Variants in NALF1 observed in about 807,000 individuals in gnomAD.
NALF1 encodes NALCN channel auxiliary factor 1.
Under a neutral mutation model 48.4 loss-of-function variants are expected in NALF1, and 3 were observed. The observed-to-expected ratio is 0.06, with a 90% CI of 0.03 to 0.16. The LOEUF (loss-of-function observed/expected upper bound fraction) is 0.16. NALF1 is among the 10% of genes least tolerant of loss of function. The probability of loss-of-function intolerance (pLI) is 1.00; values close to 1 mark genes in which losing one functional copy is unlikely to be tolerated. For synonymous variants in NALF1, 262 were observed against 245.7 expected (o/e 1.07, Z -0.62); for missense variants, 526 against 571.5 (o/e 0.92, Z 0.81).
chr13:107,518,836 G>A (rs1023476891), intron 1 of NALF1, among the ~76,000 whole-genome samples: 1 of 152,156 alleles, frequency 6.6e-6, no homozygotes, highest in Admixed American at 6.5e-5. Flanking sequence ...TTGGAAAAGT[G>A]AATTTGAAGT....
At chr13:107,747,147 CA>C (rs1283020996) in intron 1 of NALF1, among the ~76,000 whole-genome samples, 6 of 152,310 alleles carry the variant, frequency 3.9e-5, no homozygotes, top group African/African-American at 1.4e-4. Context: ...CATTCTTGGG[CA>C]ATTTTAATTT....
At chr13:107,712,272 T>C (rs2138520255) in intron 1 of NALF1, among the ~76,000 whole-genome samples, 1 of 152,290 alleles carries the variant, frequency 6.6e-6, no homozygotes, top group African/African-American at 2.4e-5. Flanking sequence ...ATATTCTTCC[T>C]TTTTCTGCTC....
chr13:107,715,213 T>C (rs117450781), intron 1 of NALF1, among the ~76,000 whole-genome samples: 1 of 152,030 alleles, frequency 6.6e-6, no homozygotes, highest in Non-Finnish European at 1.5e-5. Context: ...TCTTTCTTTT[T>C]TTTTTTGAAA....
chr13:107,380,700 C>T (rs1238842732), intron 1 of NALF1, among the ~76,000 whole-genome samples: 4 of 151,962 alleles, frequency 2.6e-5, no homozygotes, highest in Non-Finnish European at 5.9e-5. Context: ...TTTAGTGGGC[C>T]GGGAGCGGTG....
At chr13:107,332,579 T>G (rs956107821) in intron 1 of NALF1, among the ~76,000 whole-genome samples, 1 of 152,210 alleles carries the variant, frequency 6.6e-6, no homozygotes, top group Non-Finnish European at 1.5e-5. Flanking sequence ...CTGCTCAAAC[T>G]GAATTCCAAT....
At chr13:107,548,275 A>C (rs1290973929) in intron 1 of NALF1, among the ~76,000 whole-genome samples, 1 of 152,078 alleles carries the variant, frequency 6.6e-6, no homozygotes, top group Admixed American at 6.6e-5. Context: ...CTCCAGCTCT[A>C]TCCATGCTCC....
chr13:107,835,637 C>T (rs936436087), intron 1 of NALF1, among the ~76,000 whole-genome samples: 7 of 150,710 alleles, frequency 4.6e-5, no homozygotes, highest in African/African-American at 1.5e-4. Flanking sequence ...ACACACACAC[C>T]GGTGACTCAG....
intron 1 of NALF1, among the ~76,000 whole-genome samples, chr13:107,391,383 G>A (rs1483005565): frequency 6.6e-6 from 1 of 151,986 alleles, no homozygotes; most frequent in Non-Finnish European, 1.5e-5. Context: ...ATAATGTTAC[G>A]AGAAAAGGAA....
chr13:107,570,521 C>T (rs1426641967), intron 1 of NALF1, among the ~76,000 whole-genome samples: 1 of 151,194 alleles, frequency 6.6e-6, no homozygotes, highest in Non-Finnish European at 1.5e-5. Context: ...GCCTAGTATT[C>T]CTGAAATAAA....
intron 1 of NALF1, among the ~76,000 whole-genome samples, chr13:107,707,261 G>T (rs1313690889): frequency 6.6e-6 from 1 of 152,114 alleles, no homozygotes; most frequent in Non-Finnish European, 1.5e-5. Flanking sequence ...GACATTTCAG[G>T]TAGGCTGAAA....
At chr13:107,756,845 T>A (rs913968618) in intron 1 of NALF1, among the ~76,000 whole-genome samples, 1 of 152,142 alleles carries the variant, frequency 6.6e-6, no homozygotes, top group Non-Finnish European at 1.5e-5. Context: ...TGAAAAATTG[T>A]TTGCTCACAT....
chr13:107,170,605 T>G lies in NALF1; in HGVS notation c.1269A>C (p.Val423=). The change falls in exon 3 of 3, where the codon GTA becomes GTC. Residue 423 remains valine, a synonymous_variant. Coordinates refer to ENST00000375915, the MANE Select transcript of NALF1 (RefSeq NM_001080396.3). ...TGAGCACTGTGTGTAAGAGAATCAG[T>G]ACAAGAACACACAGCTTGAGTCTGC... ...CNSRLKLCVL[V]LILLHTVLTA... The G allele has an allele frequency of 6.2e-7, 1 of 1,614,228 alleles. No individual in the cohort carries two copies.
intron 1 of NALF1, among the ~76,000 whole-genome samples, chr13:107,340,150 T>C (rs1267974144): frequency 6.7e-6 from 1 of 149,454 alleles, no homozygotes; most frequent in Non-Finnish European, 1.5e-5. Context: ...GTTGTATACA[T>C]TCCTTTAAAT....
intron 1 of NALF1, among the ~76,000 whole-genome samples, chr13:107,268,907 T>C (rs1881097808): frequency 6.6e-6 from 1 of 152,220 alleles, no homozygotes; most frequent in Non-Finnish European, 1.5e-5. Flanking sequence ...TTTTGTTTGC[T>C]TTTCTCTGAG....
chr13:107,768,998 T>C (rs962843005), intron 1 of NALF1, among the ~76,000 whole-genome samples: 1 of 151,952 alleles, frequency 6.6e-6, no homozygotes, highest in Non-Finnish European at 1.5e-5. Flanking sequence ...AGATACCATC[T>C]CACACCAGTT....
intron 1 of NALF1, among the ~76,000 whole-genome samples, chr13:107,271,810 ATATATATT>A (rs1304970668): frequency 1.4e-4 from 2 of 13,796 alleles, no homozygotes; most frequent in African/African-American, 2.2e-4. Flanking sequence ...ATATATATAT[ATATATATT>A]TATATATTTA....
intron 1 of NALF1, among the ~76,000 whole-genome samples, chr13:107,659,740 T>C (rs953840543): frequency 2.0e-5 from 3 of 152,106 alleles, no homozygotes; most frequent in African/African-American, 7.2e-5. Flanking sequence ...TAATATATTC[T>C]TCTCTAAACA....
intron 1 of NALF1, among the ~76,000 whole-genome samples, chr13:107,791,657 G>C (rs1441251468): frequency 6.6e-6 from 1 of 152,074 alleles, no homozygotes; most frequent in Non-Finnish European, 1.5e-5. Context: ...ATAATAATGA[G>C]TTTACCAAGA....
intron 1 of NALF1, among the ~76,000 whole-genome samples, chr13:107,452,189 C>CTG (rs530043488): frequency 1.2e-3 from 180 of 152,288 alleles, no homozygotes; most frequent in Non-Finnish European, 1.1e-3. Context: ...TCTCTTCCTC[C>CTG]TGCCCATATC....
Sources: allele counts gnomAD v4.1 joint callset (sites outside exome capture counted in the v4.1 genomes callset), GRCh38; gene constraint gnomAD v4.1.1; transcripts MANE v1.5; gene names NCBI Gene and HGNC (gene_info 2026-07-23, HGNC 2026-07-21).